ZNF608: variants seen among roughly 807,000 people sequenced by gnomAD.
ZNF608 encodes the protein zinc finger protein 608.
ZNF608 carries 12 observed loss-of-function variants against 109.0 expected under a neutral mutation model. The observed-to-expected ratio is 0.11, with a 90% confidence interval of 0.07 to 0.18. ZNF608 has a LOEUF of 0.18. Among genes scored for constraint, ZNF608 ranks in the 10% least tolerant of loss-of-function variants. The pLI is 1.00. For missense variants in ZNF608, 1,707 were observed against 1,879.3 expected (o/e 0.91, Z 1.70); for synonymous variants, 732 against 717.4 (o/e 1.02, Z -0.33).
intron 2 of ZNF608, among the ~76,000 whole-genome samples, chr5:124,720,214 T>C (rs757808034): frequency 6.6e-6 from 1 of 152,184 alleles, no homozygotes; most frequent in Non-Finnish European, 1.5e-5. Flanking sequence ...GCGAATGTAT[T>C]TGGGGGCAAG....
intron 6 of ZNF608, 60 bp from the exon 7 acceptor site, chr5:124,643,743 T>C: frequency 1.9e-6 from 3 of 1,558,398 alleles, no homozygotes; most frequent in Admixed American, 3.7e-5. Context: ...AAAAAATCAT[T>C]TGGGTTACAT....
At chr5:124,747,461 A>G (rs1474174518), upstream of ZNF608, among the ~76,000 whole-genome samples, 1 of 151,764 alleles carries the variant, frequency 6.6e-6, no homozygotes, top group Non-Finnish European at 1.5e-5. Context: ...ATCTAAAAGG[A>G]GCGATTTTGT....
chr5:124,695,449 T>G (rs1387365074), intron 3 of ZNF608, among the ~76,000 whole-genome samples: 1 of 152,194 alleles, frequency 6.6e-6, no homozygotes, highest in Non-Finnish European at 1.5e-5. Flanking sequence ...CATTTTCCAT[T>G]ACATAGGATC....
chr5:124,702,469 G>A (rs1753091030), intron 2 of ZNF608, among the ~76,000 whole-genome samples: 1 of 151,322 alleles, frequency 6.6e-6, no homozygotes, highest in South Asian at 2.1e-4. Flanking sequence ...TTGGCTGCAG[G>A]CGTAATAGTA....
chr5:124,649,469 C>A, intron 4 of ZNF608, 141 bp downstream of exon 4: 1 of 592,800 alleles, frequency 1.7e-6, no homozygotes, highest in Non-Finnish European at 2.9e-6. Flanking sequence ...CTGCATTTTA[C>A]TGCGTTCAAT....
intron 2 of ZNF608, among the ~76,000 whole-genome samples, chr5:124,702,665 T>C (rs1277768874): frequency 6.6e-6 from 1 of 152,180 alleles, no homozygotes; most frequent in Non-Finnish European, 1.5e-5. Flanking sequence ...AATGATAAAC[T>C]GACGTTCACT....
At chr5:124,734,902 T>C (rs1244254803) in intron 2 of ZNF608, 1 of 152,240 alleles carries the variant, frequency 6.6e-6, no homozygotes, top group East Asian at 1.9e-4. Flanking sequence ...TTAGAAATAC[T>C]ACAAAATTTA....
At chr5:124,722,984 A>G (rs1057178216) in intron 2 of ZNF608, among the ~76,000 whole-genome samples, 1 of 152,160 alleles carries the variant, frequency 6.6e-6, no homozygotes, top group Non-Finnish European at 1.5e-5. Context: ...TAAAGACCAT[A>G]AAAATAGTTC....
intron 2 of ZNF608, among the ~76,000 whole-genome samples, chr5:124,713,159 C>G (rs1055135525): frequency 1.3e-5 from 2 of 152,232 alleles, no homozygotes; most frequent in African/African-American, 4.8e-5. Context: ...CTTCCCTTCT[C>G]TCTTACTACT....
At chr5:124,651,770 G>C (rs904471865) in intron 3 of ZNF608, among the ~76,000 whole-genome samples, 57 of 152,374 alleles carry the variant, frequency 3.7e-4, no homozygotes, top group Non-Finnish European at 6.6e-4. Flanking sequence ...GCGTCTGATT[G>C]GCTGGGCCGA....
intron 3 of ZNF608, among the ~76,000 whole-genome samples, chr5:124,659,593 T>C (rs7703232): frequency 0.24 from 36,827 of 152,094 alleles, 4,564 homozygotes; most frequent in African/African-American, 0.32. Context: ...ATAGGAGCTA[T>C]TGTCTTCCTA....
rs1000720127 is a variant in ZNF608, at chr5:124,683,108, T to G, written c.1162+17906A>C. 5.9e-5 allele frequency among the ~76,000 whole-genome samples: 9 copies of G among 152,294 alleles called. No homozygotes were observed. In the South Asian group the frequency reaches 1.9e-3, roughly 32 times the overall value. ...GAGCAGTCCTATGGAGAGGCCCACA[T>G]GGCATAGCAAGTCAAATTGCCCCGT... On this transcript the variant is annotated intron_variant, in intron 3 of 9. Coordinates refer to ENST00000513986, the MANE Select transcript of ZNF608 (RefSeq NM_020747.3).
intron 4 of ZNF608, 57 bp downstream of exon 4, chr5:124,649,553 C>T: frequency 7.2e-7 from 1 of 1,393,080 alleles, no homozygotes; most frequent in African/African-American, 1.4e-5. Context: ...TCTCTCTCTA[C>T]AGTTTCCCTG....
At chr5:124,688,574 T>C (rs192638165) in intron 3 of ZNF608, among the ~76,000 whole-genome samples, 1 of 152,246 alleles carries the variant, frequency 6.6e-6, no homozygotes, top group African/African-American at 2.4e-5. Flanking sequence ...AGGCAATATG[T>C]GTTTCTACTA....
Position 124,643,610 on chromosome 5 carries a change from G to C in ZNF608, c.4197C>G (p.Val1399=). ...TCGTGTTGACGCTAGGGCTGGTATTGACTTTCTCTGTCTCTTCTCTCCCTG... is the reference window on the plus strand; with the variant it reads ...TCGTGTTGACGCTAGGGCTGGTATTCACTTTCTCTGTCTCTTCTCTCCCTG... ...KMSGREETEK[V]NTSPSVNTKT... The change falls in exon 7 of 10, where the codon GTC becomes GTG. Residue 1399 remains valine (V), a synonymous_variant. Coordinates refer to ENST00000513986, the MANE Select transcript of ZNF608 (RefSeq NM_020747.3). 1 of 1,614,148 alleles carries C rather than the reference G, an allele frequency of 6.2e-7. No homozygotes were observed. The highest frequency in any genetic ancestry group is 8.5e-7 in the Non-Finnish European group (1 of 1,180,016).
intron 3 of ZNF608, chr5:124,666,386 C>T (rs1452450832): frequency 6.6e-6 from 1 of 152,124 alleles, no homozygotes; most frequent in Non-Finnish European, 1.5e-5. Flanking sequence ...CTCAAGCGGC[C>T]CATTGCTTCT....
intron 3 of ZNF608, among the ~76,000 whole-genome samples, chr5:124,676,045 A>C (rs1751933953): frequency 6.6e-6 from 1 of 152,224 alleles, no homozygotes; most frequent in African/African-American, 2.4e-5. Flanking sequence ...GGGCTGCAGA[A>C]GTAGAGATGT....
chr5:124,743,960 T>G (rs532277009), intron 2 of ZNF608, 124 bp downstream of exon 2: 10 of 1,369,568 alleles, frequency 7.3e-6, no homozygotes, highest in African/African-American at 1.5e-5. Context: ...AGGATGCATA[T>G]CATAGAAATC....
At chr5:124,696,014 T>C (rs927205336) in intron 3 of ZNF608, among the ~76,000 whole-genome samples, 2 of 152,070 alleles carry the variant, frequency 1.3e-5, no homozygotes, top group South Asian at 2.1e-4. Context: ...AGAAACCCCG[T>C]CTCTACTAAA....
Sources: gnomAD v4.1 joint callset for allele counts (sites outside exome capture counted in the v4.1 genomes callset) on GRCh38, gnomAD v4.1.1 for gene constraint, MANE v1.5 for transcripts, NCBI Gene and HGNC (gene_info 2026-07-23, HGNC 2026-07-21) for gene names.